DYTN: variants seen among roughly 807,000 people sequenced by gnomAD.
DYTN encodes dystrotelin.
A neutral mutation model predicts 69.6 loss-of-function variants in DYTN; 75 were observed. That is an observed-to-expected ratio of 1.08 (90% CI 0.89 to 1.31). The LOEUF is 1.31. DYTN is among the 50% of genes most tolerant of loss of function. The pLI is 0.00. For synonymous variants in DYTN, 252 were observed against 249.1 expected, an observed-to-expected ratio of 1.01 and a Z score of -0.11; for missense variants, 726 against 688.4, an observed-to-expected ratio of 1.05 and a Z score of -0.61.
chr2:206,693,227 G>A lies in DYTN; in HGVS notation c.928C>T (p.Gln310Ter). Residue 310 changes from glutamine to a stop codon, truncating the protein, a stop_gained, in exon 9 of 12, where the codon CAG becomes TAG. Transcript: ENST00000452335. LOFTEE classifies it high-confidence loss of function. ...TTTGGATTCACCTGGTCCAGCAGCT[G>A]CTGCCTTCTCGCTGCTTCTTTCTTC... is the stretch of plus-strand genomic sequence containing the variant. ...CRKKEAARRQ[Q>*]LLDQVNPKGV... The A allele has an allele frequency of 6.2e-7, 1 of 1,613,456 alleles. No homozygotes were observed.
chr2:206,662,872 T>C, intron 11 of DYTN, 31 bp downstream of exon 11: 3 of 1,577,966 alleles, frequency 1.9e-6, no homozygotes, highest in Non-Finnish European at 2.6e-6. Context: ...TCCTTGGCCA[T>C]CACGATGTCT....
intron 11 of DYTN, among the ~76,000 whole-genome samples, chr2:206,656,131 G>A (rs571886674): frequency 6.6e-6 from 1 of 151,990 alleles, no homozygotes; most frequent in African/African-American, 2.4e-5. Flanking sequence ...CTTCAGTTTT[G>A]TCAATAATTG....
intron 2 of DYTN, among the ~76,000 whole-genome samples, chr2:206,710,311 C>A (rs796987997): frequency 1.3e-5 from 2 of 152,174 alleles, no homozygotes; most frequent in African/African-American, 2.4e-5. Context: ...ACAATTATTT[C>A]TATTGCTCAT....
intron 9 of DYTN, among the ~76,000 whole-genome samples, chr2:206,668,285 A>G (rs970899280): frequency 6.6e-6 from 1 of 152,180 alleles, no homozygotes; most frequent in African/African-American, 2.4e-5. Context: ...CCAGGTCTGG[A>G]CAACTAGAAG....
intron 9 of DYTN, chr2:206,687,041 GATA>G (rs1699819351): frequency 6.4e-6 from 1 of 155,438 alleles, no homozygotes; most frequent in Non-Finnish European, 1.4e-5. Context: ...CTGAATGTCT[GATA>G]ATAAGTCTCA....
chr2:206,693,166 G>A lies in DYTN; in HGVS notation c.980+9C>T. 1 of 1,603,730 alleles carries A rather than the reference G, an allele frequency of 6.2e-7. No individual in the cohort carries two copies. The highest frequency in any genetic ancestry group is 2.2e-5 in the East Asian group (1 of 44,604). ...TCTGTGGGATCAGCCAATCCTCGCA[G>A]CCACTCACCTGGCCTGCGCATGGTG... On this transcript the variant is annotated intron_variant, in intron 9 of 11. Coordinates refer to ENST00000452335, the MANE Select transcript of DYTN (RefSeq NM_001093730.1).
intron 11 of DYTN, among the ~76,000 whole-genome samples, chr2:206,656,907 T>G (rs1479454566): frequency 6.6e-6 from 1 of 151,746 alleles, no homozygotes; most frequent in Non-Finnish European, 1.5e-5. Flanking sequence ...GGATTAAAGG[T>G]GCATGCCACC....
chr2:206,675,974 TTGG>T lies in DYTN; in HGVS notation c.981-9948_981-9946del, dbSNP rs566611394. Among the ~76,000 whole-genome samples the T allele has an allele frequency of 6.6e-5, 10 of 152,284 alleles. No homozygotes were observed. In the South Asian group the frequency reaches 2.1e-3, roughly 32 times the overall value. The stretch of plus-strand genomic sequence containing the variant: ...TGGAGAAATAGGAATGCTTTCACAC[TTGG>T]TGGGAGTGTAAATTAGTTCAACCAT... On this transcript the variant is annotated intron_variant, in intron 9 of 11. Transcript: ENST00000452335.
In DYTN at chr2:206,710,611, C is replaced by T. The variant is rs192415335; in HGVS notation, c.20-13G>A. ...CTATTAAGAGCATCTGTAAAGAAAA[C>T]GTAAAATATTATGAATAAAGTCTCT... On this transcript the variant is annotated splice_polypyrimidine_tract_variant and intron_variant, in intron 1 of 11. Coordinates refer to ENST00000452335, the MANE Select transcript of DYTN (RefSeq NM_001093730.1). The T allele has an allele frequency of 4.1e-5, 64 of 1,572,194 alleles. No homozygotes were observed. Among genetic ancestry groups the T allele is most frequent in the Admixed American group, 1.1e-4 (6 of 56,524 alleles).
intron 9 of DYTN, among the ~76,000 whole-genome samples, chr2:206,666,355 T>C (rs1237341095): frequency 6.6e-6 from 1 of 152,174 alleles, no homozygotes; most frequent in African/African-American, 2.4e-5. Context: ...CTCACATTGA[T>C]CAATATTGTT....
chr2:206,702,643 T>C (rs962938440), intron 5 of DYTN, among the ~76,000 whole-genome samples: 11 of 152,202 alleles, frequency 7.2e-5, no homozygotes, highest in Non-Finnish European at 4.4e-5. Context: ...GTGTTGTTGA[T>C]CCAACATTCA....
intron 10 of DYTN, among the ~76,000 whole-genome samples, chr2:206,665,292 A>G (rs1315911997): frequency 6.6e-6 from 1 of 152,176 alleles, no homozygotes; most frequent in Admixed American, 6.5e-5. Flanking sequence ...TAAAAATGTT[A>G]TCTGTATATT....
chr2:206,657,135 A>T (rs953101701), intron 11 of DYTN, among the ~76,000 whole-genome samples: 1 of 152,022 alleles, frequency 6.6e-6, no homozygotes, highest in African/African-American at 2.4e-5. Context: ...TTCATTTTAG[A>T]GATGGGATCT....
At chr2:206,712,875 G>C (rs556007610) in intron 1 of DYTN, among the ~76,000 whole-genome samples, 2 of 152,314 alleles carry the variant, frequency 1.3e-5, no homozygotes, top group East Asian at 1.9e-4. Context: ...AATGAATCTG[G>C]GTTCAAGGAC....
intron 11 of DYTN, among the ~76,000 whole-genome samples, chr2:206,662,247 G>C (rs1699520170): frequency 1.3e-5 from 2 of 152,180 alleles, no homozygotes; most frequent in African/African-American, 4.8e-5. Context: ...GGTAGGTTAG[G>C]TATACTGAAT....
At chr2:206,705,400 T>C (rs1700015354) in intron 4 of DYTN, among the ~76,000 whole-genome samples, 1 of 152,206 alleles carries the variant, frequency 6.6e-6, no homozygotes, top group African/African-American at 2.4e-5. Flanking sequence ...GTCCGGTCAC[T>C]ATGATTTTTG....
intron 9 of DYTN, among the ~76,000 whole-genome samples, chr2:206,675,775 A>G (rs1699680346): frequency 6.6e-6 from 1 of 152,238 alleles, no homozygotes; most frequent in Non-Finnish European, 1.5e-5. Flanking sequence ...GGCAAGGGAT[A>G]TGAACAGACA....
chr2:206,705,180 T>A, intron 4 of DYTN: 1 of 500,050 alleles, frequency 2.0e-6, no homozygotes. Flanking sequence ...CACTGCAACC[T>A]CCACCTCCCG....
chr2:206,680,632 C>T (rs936264812), intron 9 of DYTN, among the ~76,000 whole-genome samples: 1 of 152,034 alleles, frequency 6.6e-6, no homozygotes, highest in Non-Finnish European at 1.5e-5. Context: ...CTACATATTC[C>T]ACCACTTTTC....
Sources: gnomAD v4.1 joint callset for allele counts (sites outside exome capture counted in the v4.1 genomes callset) on GRCh38, gnomAD v4.1.1 for gene constraint, MANE v1.5 for transcripts, NCBI Gene and HGNC (gene_info 2026-07-23, HGNC 2026-07-21) for gene names.